Variants in ESRRG observed in about 807,000 individuals in gnomAD.
The protein encoded by ESRRG is estrogen-related receptor gamma.
In ESRRG, 13 loss-of-function variants were observed where a neutral mutation model predicts 44.0. The ratio of observed to expected loss-of-function variants is 0.30; its 90% confidence interval spans 0.19 to 0.47. The LOEUF (loss-of-function observed/expected upper bound fraction) is 0.47. Ranked by LOEUF, ESRRG falls within the 20% of genes least tolerant of loss-of-function variation. The pLI is 1.00. For synonymous variants in ESRRG, 215 were observed against 214.6 expected (o/e 1.00, Z -0.02); for missense variants, 395 against 580.6 (o/e 0.68, Z 3.29).
intron 3 of ESRRG, among the ~76,000 whole-genome samples, chr1:216,602,627 C>T (rs1376136842): frequency 1.3e-5 from 2 of 152,142 alleles, no homozygotes; most frequent in African/African-American, 4.8e-5. Context: ...GGTGATTGTG[C>T]AGCGGAGAGA....
chr1:216,795,605 T>C (rs2094451861), intron 2 of ESRRG, among the ~76,000 whole-genome samples: 1 of 152,002 alleles, frequency 6.6e-6, no homozygotes, highest in East Asian at 1.9e-4. Flanking sequence ...CCTCCCAAAG[T>C]GCTGGGATTA....
At position 216,505,359 on chromosome 1, in the gene ESRRG, A is replaced by G. The variant is rs1265328442; in HGVS notation, c.*1580T>C. 1 of 152,654 alleles carries G rather than the reference A, an allele frequency of 6.6e-6. No homozygotes were observed. The highest frequency in any genetic ancestry group is 1.5e-5 in the Non-Finnish European group (1 of 68,038). The allele number at this position is 152,654 out of a possible 1,614,324, so 9.5% of individuals were successfully genotyped here. On this transcript the variant is annotated 3_prime_UTR_variant, in exon 7 of 7. Coordinates refer to ENST00000408911, the MANE Select transcript of ESRRG (RefSeq NM_001438.4). The stretch of plus-strand genomic sequence containing the variant: ...ACATATATTGGCTTAGCTCTTGGTA[A>G]AAACTGCAGATTAATTTAAACGAAC...
chr1:216,963,079 T>C (rs1275826600), intron 1 of ESRRG, among the ~76,000 whole-genome samples: 1 of 152,168 alleles, frequency 6.6e-6, no homozygotes, highest in African/African-American at 2.4e-5. Context: ...ACTCACTGAG[T>C]TGTTTGGAGA....
chr1:216,971,396 T>A (rs909744547), intron 1 of ESRRG, among the ~76,000 whole-genome samples: 1 of 152,124 alleles, frequency 6.6e-6, no homozygotes, highest in Admixed American at 6.5e-5. Flanking sequence ...TAGAAAGAAG[T>A]ACACGTATTG....
chr1:217,081,461 A>G (rs1369126816), intron 1 of ESRRG, among the ~76,000 whole-genome samples: 1 of 152,028 alleles, frequency 6.6e-6, no homozygotes, highest in Non-Finnish European at 1.5e-5. Context: ...TCCCGACCTC[A>G]GGTGATTTGC....
intron 3 of ESRRG, among the ~76,000 whole-genome samples, chr1:216,640,817 G>A (rs910333504): frequency 3.3e-5 from 5 of 152,044 alleles, no homozygotes; most frequent in South Asian, 2.1e-4. Context: ...ATACGTATGC[G>A]TTGGTGACAA....
At chr1:216,928,533 G>A (rs1425686304) in intron 2 of ESRRG, among the ~76,000 whole-genome samples, 1 of 152,078 alleles carries the variant, frequency 6.6e-6, no homozygotes. Flanking sequence ...CTCCATGTTC[G>A]TGGACATTTT....
At chr1:217,030,205 G>C (rs1305279661) in intron 1 of ESRRG, among the ~76,000 whole-genome samples, 1 of 151,760 alleles carries the variant, frequency 6.6e-6, no homozygotes, top group African/African-American at 2.4e-5. Flanking sequence ...CATAAACCAA[G>C]TGATCAAACC....
rs544629243 is a variant in ESRRG, at chr1:216,893,680, A to AATACATACTAAAGTATGTATTTCTAC, written c.-14+45876_-14+45901dup. On this transcript the variant is annotated intron_variant, in intron 2 of 7. Coordinates refer to the ESRRG transcript ENST00000359162. Reference sequence around the variant, plus strand: ...ATAAGATGTAAACACACAGGCAAGAAATACATACTAAAGTATGTATTTCTA... The same window carrying AATACATACTAAAGTATGTATTTCTAC: ...ATAAGATGTAAACACACAGGCAAGAAATACATACTAAAGTATGTATTTCTACATACATACTAAAGTATGTATTTCTA... Among the ~76,000 whole-genome samples the AATACATACTAAAGTATGTATTTCTAC allele has an allele frequency of 2.0e-3, 301 of 152,198 alleles. 2 individuals carry two copies. The highest frequency in any genetic ancestry group is 7.1e-3 in the African/African-American group (294 of 41,498).
Position 216,999,693 on chromosome 1 carries a change from A to T in ESRRG, c.-105-60020T>A, listed in dbSNP as rs191846388. 1.2e-3 allele frequency among the ~76,000 whole-genome samples: 186 copies of T among 152,296 alleles called. 1 individual carries two copies. Among genetic ancestry groups the T allele is most frequent in the African/African-American group, 4.3e-3 (178 of 41,576 alleles). ...TTCGTTCAGCAAACATTGGTTGAGT[A>T]GTTACTCTGTGATGATTCATAGTTT... On this transcript the variant is annotated intron_variant, in intron 1 of 7. Transcript: ENST00000359162.
At position 216,936,075 on chromosome 1, in the gene ESRRG, G is replaced by A. The variant is rs77225025; in HGVS notation, c.-14+3507C>T. Reference sequence around the variant, plus strand: ...TCTGGTGACCAGAACCCATTTGGGAGCCCTCCAAAAGTCACCTCAATAGAA... The same window carrying A: ...TCTGGTGACCAGAACCCATTTGGGAACCCTCCAAAAGTCACCTCAATAGAA... On this transcript the variant is annotated intron_variant, in intron 2 of 7. Coordinates refer to the ESRRG transcript ENST00000359162. Among the ~76,000 whole-genome samples, 1,389 of 152,106 alleles carry A rather than the reference G, an allele frequency of 9.1e-3. 21 individuals are homozygous for A. The highest frequency in any genetic ancestry group is 0.031 in the African/African-American group (1,283 of 41,470).
chr1:216,634,642 C>T (rs919499131), intron 3 of ESRRG, among the ~76,000 whole-genome samples: 3 of 152,156 alleles, frequency 2.0e-5, no homozygotes, highest in Non-Finnish European at 4.4e-5. Flanking sequence ...TGCAGAATAG[C>T]TGGACAGGCA....
At chr1:217,087,671 C>G (rs532822937) in intron 1 of ESRRG, among the ~76,000 whole-genome samples, 2 of 152,180 alleles carry the variant, frequency 1.3e-5, no homozygotes, top group African/African-American at 4.8e-5. Context: ...CCATTCATCA[C>G]CCCAGTCAAT....
Position 216,613,780 on chromosome 1 carries a change from C to T in ESRRG, c.589+37193G>A, listed in dbSNP as rs140375038. Among the ~76,000 whole-genome samples, 161 of 152,192 alleles carry T rather than the reference C, an allele frequency of 1.1e-3. 1 individual carries two copies. Among genetic ancestry groups the T allele is most frequent in the African/African-American group, 3.7e-3 (153 of 41,522 alleles). ...TTTTTCTTCTCTTGAAGCCAACGTTCGAAAACTAACAATGGAAAATATATT... is the reference window on the plus strand; with the variant it reads ...TTTTTCTTCTCTTGAAGCCAACGTTTGAAAACTAACAATGGAAAATATATT... On this transcript the variant is annotated intron_variant, in intron 3 of 6. Coordinates refer to ENST00000408911, the MANE Select transcript of ESRRG (RefSeq NM_001438.4).
chr1:216,603,948 A>AAAAAAC (rs1553406169), intron 3 of ESRRG, among the ~76,000 whole-genome samples: 6 of 131,136 alleles, frequency 4.6e-5, no homozygotes, highest in South Asian at 2.4e-4. Flanking sequence ...AAAAAAACAA[A>AAAAAAC]AAAAAAAAAA....
intron 1 of ESRRG, among the ~76,000 whole-genome samples, chr1:216,678,156 T>C (rs2076427303): frequency 1.3e-5 from 2 of 152,220 alleles, no homozygotes; most frequent in Non-Finnish European, 2.9e-5. Flanking sequence ...TTCATAGCCA[T>C]TTGGCAATAT....
At chr1:217,078,771 G>C (rs775156160) in intron 1 of ESRRG, among the ~76,000 whole-genome samples, 2 of 152,132 alleles carry the variant, frequency 1.3e-5, no homozygotes, top group South Asian at 2.1e-4. Flanking sequence ...TGTATGTAAG[G>C]TTCCTCTGTT....
chr1:217,069,393 G>A (rs1365990602), intron 1 of ESRRG, among the ~76,000 whole-genome samples: 1 of 150,002 alleles, frequency 6.7e-6, no homozygotes, highest in African/African-American at 2.5e-5. Flanking sequence ...ATATAATAAA[G>A]TGTATGTATA....
At chr1:216,741,726 C>T (rs2090762780) in intron 2 of ESRRG, among the ~76,000 whole-genome samples, 1 of 152,130 alleles carries the variant, frequency 6.6e-6, no homozygotes, top group Non-Finnish European at 1.5e-5. Flanking sequence ...CCTAGCTGGG[C>T]AATTGCTGTC....
Sources: allele counts gnomAD v4.1 joint callset (sites outside exome capture counted in the v4.1 genomes callset), GRCh38; gene constraint gnomAD v4.1.1; transcripts MANE v1.5; gene names NCBI Gene and HGNC (gene_info 2026-07-23, HGNC 2026-07-21).